The following CCDC91 variants were observed in gnomAD, a reference collection of about 807,000 sequenced individuals.
CCDC91 encodes coiled-coil domain-containing protein 91.
CCDC91 carries 48 observed loss-of-function variants against 63.2 expected under a neutral mutation model. That is an observed-to-expected ratio of 0.76 (90% CI 0.60 to 0.97). The LOEUF (loss-of-function observed/expected upper bound fraction) is 0.97. Among genes scored for constraint, CCDC91 ranks in the 50% least tolerant of loss-of-function variants. CCDC91 has a pLI of 0.00. For synonymous variants in CCDC91, 167 were observed against 165.8 expected (o/e 1.01, Z -0.06); for missense variants, 500 against 494.6 (o/e 1.01, Z -0.10).
intron 12 of CCDC91, among the ~76,000 whole-genome samples, chr12:28,534,230 T>G (rs1941973313): frequency 2.0e-5 from 3 of 152,178 alleles, no homozygotes; most frequent in Admixed American, 6.5e-5. Flanking sequence ...TGATCATAAT[T>G]TAGGCAGTGC....
intron 8 of CCDC91, among the ~76,000 whole-genome samples, chr12:28,392,404 C>T (rs760086816): frequency 6.6e-6 from 1 of 152,152 alleles, no homozygotes; most frequent in Non-Finnish European, 1.5e-5. Context: ...CTCATGTTGT[C>T]CTCACCCTGG....
chr12:28,415,345 T>G (rs1947579904), intron 8 of CCDC91, among the ~76,000 whole-genome samples: 1 of 152,120 alleles, frequency 6.6e-6, no homozygotes, highest in Non-Finnish European at 1.5e-5. Flanking sequence ...TGCCTCAGCC[T>G]CCCGAGTAGC....
chr12:28,226,590 C>T, intron 1 of CCDC91, among the ~76,000 whole-genome samples: 1 of 152,110 alleles, frequency 6.6e-6, no homozygotes, highest in Non-Finnish European at 1.5e-5. Context: ...AAAATTATGA[C>T]AATAATATAG....
chr12:28,269,082 T>C lies in CCDC91; in HGVS notation c.109+9640T>C, dbSNP rs1452263246. Reference sequence around the variant, plus strand: ...AGATATGCCCTATGCACATTTGGCTTGATGTCTCTGTACTGATGCCCGTAA... The same window carrying C: ...AGATATGCCCTATGCACATTTGGCTCGATGTCTCTGTACTGATGCCCGTAA... On this transcript the variant is annotated intron_variant, in intron 3 of 12. Transcript: ENST00000536442. Among the ~76,000 whole-genome samples, 4 of 152,306 alleles carry C rather than the reference T, an allele frequency of 2.6e-5. No individual in the cohort carries two copies. In the East Asian group the frequency reaches 7.7e-4, roughly 29 times the overall value.
At chr12:28,467,886 A>G (rs1428404845) in intron 11 of CCDC91, among the ~76,000 whole-genome samples, 1 of 152,014 alleles carries the variant, frequency 6.6e-6, no homozygotes, top group Non-Finnish European at 1.5e-5. Context: ...GAAATTTCAG[A>G]AGGAAATTGA....
At position 28,425,068 on chromosome 12, in the gene CCDC91, A is replaced by AT. The variant is rs140513261; in HGVS notation, c.763-25092dup. Among the ~76,000 whole-genome samples, 9 of 152,200 alleles carry AT rather than the reference A, an allele frequency of 5.9e-5. No homozygotes were observed. In the East Asian group the frequency reaches 1.7e-3, roughly 29 times the overall value. On this transcript the variant is annotated intron_variant, in intron 8 of 12. Coordinates refer to ENST00000536442, the MANE Select transcript of CCDC91 (RefSeq NM_018318.5). Reference sequence around the variant, plus strand: ...ATTGTGATTTTTTTTCAGCCTGACCATAAGTATTTCAAAAGGCTTTATTTA... The same window carrying AT: ...ATTGTGATTTTTTTTCAGCCTGACCATTAAGTATTTCAAAAGGCTTTATTTA...
chr12:28,201,639 A>G, intron 1 of CCDC91, among the ~76,000 whole-genome samples: 1 of 146,648 alleles, frequency 6.8e-6, no homozygotes, highest in Non-Finnish European at 1.5e-5. Flanking sequence ...GGCCGGGCAG[A>G]GGCTGCAATC....
At chr12:28,403,201 G>C (rs1946743669) in intron 8 of CCDC91, among the ~76,000 whole-genome samples, 1 of 152,154 alleles carries the variant, frequency 6.6e-6, no homozygotes, top group Non-Finnish European at 1.5e-5. Flanking sequence ...TCTTCTGGAA[G>C]AGATTGTACA....
chr12:28,302,877 T>G (rs1483765282), intron 3 of CCDC91: 2 of 152,408 alleles, frequency 1.3e-5, no homozygotes, highest in Non-Finnish European at 2.9e-5. Context: ...TATCATTAGC[T>G]TAGAGGTGGT....
At chr12:28,400,847 A>G (rs1946577307) in intron 8 of CCDC91, among the ~76,000 whole-genome samples, 1 of 152,142 alleles carries the variant, frequency 6.6e-6, no homozygotes, top group Non-Finnish European at 1.5e-5. Flanking sequence ...CAAGTTCATC[A>G]TCTCCATCTG....
chr12:28,207,066 A>G (rs1942913118), intron 1 of CCDC91, among the ~76,000 whole-genome samples: 1 of 152,266 alleles, frequency 6.6e-6, no homozygotes, highest in Admixed American at 6.5e-5. Flanking sequence ...GGCTGGCTGC[A>G]AAATTCTTCA....
chr12:28,479,173 T>C (rs572854420), intron 11 of CCDC91, among the ~76,000 whole-genome samples: 1 of 152,322 alleles, frequency 6.6e-6, no homozygotes, highest in South Asian at 2.1e-4. Context: ...TGTATGTTTT[T>C]GGTGGCACTA....
At chr12:28,383,431 G>A (rs2139127696) in intron 7 of CCDC91, among the ~76,000 whole-genome samples, 1 of 152,188 alleles carries the variant, frequency 6.6e-6, no homozygotes, top group African/African-American at 2.4e-5. Context: ...GGAAAAATTT[G>A]GAAGGGAGAA....
chr12:28,454,588 T>A (rs1048576418), intron 11 of CCDC91, among the ~76,000 whole-genome samples: 1 of 152,152 alleles, frequency 6.6e-6, no homozygotes, highest in Non-Finnish European at 1.5e-5. Flanking sequence ...AACAACTGTT[T>A]GCTTGTTAAT....
At chr12:28,359,120 T>C (rs1302506559) in intron 6 of CCDC91, among the ~76,000 whole-genome samples, 1 of 152,144 alleles carries the variant, frequency 6.6e-6, no homozygotes, top group Non-Finnish European at 1.5e-5. Flanking sequence ...GGTCTCGAAC[T>C]CCTGACCTTG....
intron 6 of CCDC91, among the ~76,000 whole-genome samples, chr12:28,326,824 C>A (rs10843154): frequency 1.3e-5 from 2 of 151,864 alleles, no homozygotes; most frequent in African/African-American, 2.4e-5. Context: ...AGGTCCCCCC[C>A]AAAATGGGTT....
intron 1 of CCDC91, among the ~76,000 whole-genome samples, chr12:28,198,048 G>A (rs76923678): frequency 0.012 from 1,774 of 152,214 alleles, 16 homozygotes; most frequent in Non-Finnish European, 0.017. Flanking sequence ...TCCTTAGAAG[G>A]ATATGTACAT....
intron 1 of CCDC91, among the ~76,000 whole-genome samples, chr12:28,218,079 T>G (rs941051760): frequency 3.9e-5 from 6 of 152,150 alleles, no homozygotes; most frequent in Admixed American, 6.6e-5. Context: ...CCGTGTTTGA[T>G]CCCTTTAGAT....
At chr12:28,307,172 A>G (rs1473239248) in intron 5 of CCDC91, among the ~76,000 whole-genome samples, 1 of 151,862 alleles carries the variant, frequency 6.6e-6, no homozygotes, top group Non-Finnish European at 1.5e-5. Flanking sequence ...TTTTCTAACT[A>G]TTGCTTTCTT....
Sources: gnomAD v4.1 joint callset for allele counts (sites outside exome capture counted in the v4.1 genomes callset) on GRCh38, gnomAD v4.1.1 for gene constraint, MANE v1.5 for transcripts, NCBI Gene and HGNC (gene_info 2026-07-23, HGNC 2026-07-21) for gene names.